Variants in TENM4 observed in about 807,000 individuals in gnomAD.
TENM4 encodes teneurin transmembrane protein 4.
In TENM4, 82 loss-of-function variants were observed where a neutral mutation model predicts 243.3. That is an observed-to-expected ratio of 0.34 (90% CI 0.28 to 0.40). TENM4 has a LOEUF of 0.40. TENM4 is among the 10% of genes least tolerant of loss of function. The pLI is 1.00. For synonymous variants in TENM4, 1,412 were observed against 1,456.3 expected, an observed-to-expected ratio of 0.97 and a Z score of 0.69; for missense variants, 3,138 against 3,673.3, an observed-to-expected ratio of 0.85 and a Z score of 3.77.
intron 28 of TENM4, among the ~76,000 whole-genome samples, chr11:78,701,023 C>T (rs1859089070): frequency 6.6e-6 from 1 of 152,082 alleles, no homozygotes; most frequent in Non-Finnish European, 1.5e-5. Flanking sequence ...CAATACACTT[C>T]ATAAGAAAAG....
chr11:79,037,960 G>C (rs1859428789), intron 6 of TENM4, among the ~76,000 whole-genome samples: 1 of 152,182 alleles, frequency 6.6e-6, no homozygotes, highest in South Asian at 2.1e-4. Flanking sequence ...ACCAATGCTT[G>C]ACAGTCAGCC....
intron 6 of TENM4, among the ~76,000 whole-genome samples, chr11:79,024,063 G>A (rs1420189009): frequency 6.6e-6 from 1 of 152,244 alleles, no homozygotes; most frequent in Non-Finnish European, 1.5e-5. Flanking sequence ...AGGTTTGTAA[G>A]TTTTCCCTTA....
At position 78,953,734 on chromosome 11, in the gene TENM4, T is replaced by C. The variant is rs535704235; in HGVS notation, c.494-50211A>G. On this transcript the variant is annotated intron_variant, in intron 6 of 33. Coordinates refer to ENST00000278550, the MANE Select transcript of TENM4 (RefSeq NM_001098816.3). ...ATGTCTGTAAGTTATATGCAAATAC[T>C]ATGCCATTTTATATCAGGGCTTGAG... 2.0e-5 allele frequency among the ~76,000 whole-genome samples: 3 copies of C among 152,370 alleles called. No individual in the cohort carries two copies. In the East Asian group the frequency reaches 5.8e-4, roughly 29 times the overall value.
At chr11:79,240,059 G>A (rs1215496951) in intron 2 of TENM4, among the ~76,000 whole-genome samples, 1 of 152,126 alleles carries the variant, frequency 6.6e-6, no homozygotes, top group Non-Finnish European at 1.5e-5. Flanking sequence ...CTAGAGCCAG[G>A]CTGCCTGAGT....
chr11:79,221,173 C>T (rs1261545942), intron 2 of TENM4: 1 of 152,206 alleles, frequency 6.6e-6, no homozygotes, highest in East Asian at 1.9e-4. Context: ...AAATTGGATT[C>T]AAATCCTGGC....
intron 9 of TENM4, among the ~76,000 whole-genome samples, chr11:78,877,645 A>T (rs1022539498): frequency 9.9e-5 from 15 of 152,084 alleles, no homozygotes; most frequent in Non-Finnish European, 2.2e-4. Flanking sequence ...TGGGGGCTTT[A>T]AATTGCCCCC....
At chr11:79,338,076 A>G (rs1457445250) in intron 1 of TENM4, among the ~76,000 whole-genome samples, 1 of 152,246 alleles carries the variant, frequency 6.6e-6, no homozygotes, top group East Asian at 1.9e-4. Context: ...CTAGAATGTG[A>G]GTGCTGTGAA....
At chr11:79,098,273 A>G (rs1251356390) in intron 4 of TENM4, among the ~76,000 whole-genome samples, 1 of 145,192 alleles carries the variant, frequency 6.9e-6, no homozygotes, top group Non-Finnish European at 1.5e-5. Flanking sequence ...GTTTGATCAC[A>G]TCACTCCCAG....
At chr11:79,189,316 C>T (rs922253858) in intron 3 of TENM4, among the ~76,000 whole-genome samples, 15 of 152,176 alleles carry the variant, frequency 9.9e-5, no homozygotes, top group African/African-American at 3.4e-4. Flanking sequence ...TTTTCAGAGG[C>T]AGTTAGCCAC....
At position 79,064,764 on chromosome 11, in the gene TENM4, T is replaced by A; in HGVS notation, c.467A>T (p.Asp156Val). Reference protein sequence around the residue: ...SRANSNLTLTDTEHENTETDH... With the variant: ...SRANSNLTLTVTEHENTETDH... ...AGTCTCAGTGTTTTCATGCTCGGTG[T>A]CGGTGAGTGTGAGATTGGAATTGGC... Residue 156 changes from aspartate (D) to valine (V), a missense_variant, in exon 6 of 34, where the codon GAC (aspartate) becomes GTC (valine). Coordinates refer to ENST00000278550, the MANE Select transcript of TENM4 (RefSeq NM_001098816.3). 1 of 1,551,532 alleles carries A rather than the reference T, an allele frequency of 6.4e-7. No homozygotes were observed. The highest frequency in any genetic ancestry group is 8.7e-7 in the Non-Finnish European group (1 of 1,146,958).
chr11:79,177,047 G>A (rs1863173797), intron 3 of TENM4, among the ~76,000 whole-genome samples: 2 of 152,116 alleles, frequency 1.3e-5, no homozygotes, highest in African/African-American at 4.8e-5. Flanking sequence ...TTCACAATAT[G>A]CAGACATGAC....
At chr11:79,028,663 A>G (rs887834450) in intron 6 of TENM4, among the ~76,000 whole-genome samples, 2 of 152,176 alleles carry the variant, frequency 1.3e-5, no homozygotes, top group Non-Finnish European at 2.9e-5. Flanking sequence ...GGGGAAGACA[A>G]TTCTCAGAGA....
chr11:79,375,814 C>T (rs1030328463), intron 1 of TENM4, among the ~76,000 whole-genome samples: 1 of 152,008 alleles, frequency 6.6e-6, no homozygotes, highest in African/African-American at 2.4e-5. Flanking sequence ...GTAAGAGTGT[C>T]GCAGATGAGG....
At position 79,069,915 on chromosome 11, in the gene TENM4, G is replaced by A; in HGVS notation, c.30C>T (p.Arg10=). 1.3e-6 allele frequency: 2 copies of A among 1,547,198 alleles called. No homozygotes were observed. Among genetic ancestry groups the A allele is most frequent in the South Asian group, 2.4e-5 (2 of 83,946 alleles). Residue 10 remains arginine (R), a synonymous_variant, in exon 5 of 34, where the codon CGC becomes CGT. Transcript: ENST00000278550. MDVKERKPY[R]SLTRRRDAER... is the part of the protein sequence containing the mutation. The stretch of plus-strand genomic sequence containing the variant: ...CGGCGTCGCGGCGCCGGGTCAGCGA[G>A]CGGTAAGGCTTCCTCTCCTTCACGT...
chr11:79,167,845 C>T (rs998988901), intron 3 of TENM4, among the ~76,000 whole-genome samples: 1 of 152,186 alleles, frequency 6.6e-6, no homozygotes, highest in Non-Finnish European at 1.5e-5. Flanking sequence ...ACAGGGCCTG[C>T]AAAACTGTGG....
chr11:79,228,360 C>A (rs500266), intron 2 of TENM4, among the ~76,000 whole-genome samples: 74,551 of 151,992 alleles, frequency 0.49, 18,579 homozygotes, highest in East Asian at 0.6. Context: ...TGTCCCAGAC[C>A]AATGTCGCCC....
chr11:78,986,390 G>A (rs910026002), intron 6 of TENM4, among the ~76,000 whole-genome samples: 4 of 152,046 alleles, frequency 2.6e-5, no homozygotes, highest in Non-Finnish European at 2.9e-5. Context: ...AATCCTCCCC[G>A]CTTTCAGATG....
intron 1 of TENM4, among the ~76,000 whole-genome samples, chr11:79,324,418 G>T (rs760045681): frequency 6.6e-6 from 1 of 152,082 alleles, no homozygotes; most frequent in East Asian, 1.9e-4. Context: ...ATCAGGTCTC[G>T]CTATGTTGAC....
intron 7 of TENM4, among the ~76,000 whole-genome samples, chr11:78,900,124 C>T (rs1305201608): frequency 2.0e-5 from 3 of 152,244 alleles, no homozygotes; most frequent in Non-Finnish European, 4.4e-5. Context: ...AATAGCCTAG[C>T]TGAGCTCTTC....
Sources: gnomAD v4.1 joint callset for allele counts (sites outside exome capture counted in the v4.1 genomes callset) on GRCh38, gnomAD v4.1.1 for gene constraint, MANE v1.5 for transcripts, NCBI Gene and HGNC (gene_info 2026-07-23, HGNC 2026-07-21) for gene names.